CNTNAP2: variants seen among roughly 807,000 people sequenced by gnomAD.
CNTNAP2 encodes contactin-associated protein-like 2.
Under a neutral mutation model 155.2 loss-of-function variants are expected in CNTNAP2, and 98 were observed. The observed-to-expected ratio is 0.63, with a 90% CI of 0.54 to 0.75. CNTNAP2 has a LOEUF of 0.75. Ranked by LOEUF, CNTNAP2 falls within the 30% of genes least tolerant of loss-of-function variation. CNTNAP2 has a pLI of 0.00. For synonymous variants in CNTNAP2, 651 were observed against 631.2 expected (o/e 1.03, Z -0.47); for missense variants, 1,727 against 1,688.1 (o/e 1.02, Z -0.40).
intron 15 of CNTNAP2, among the ~76,000 whole-genome samples, chr7:148,066,720 G>A (rs182103681): frequency 1.9e-3 from 287 of 152,074 alleles, no homozygotes; most frequent in African/African-American, 6.7e-3. Context: ...GGATGGTCTC[G>A]ATCTCCTGAC....
chr7:146,689,173 A>G (rs10227975), intron 1 of CNTNAP2, among the ~76,000 whole-genome samples: 7,365 of 152,154 alleles, frequency 0.048, 234 homozygotes, highest in African/African-American at 0.098. Flanking sequence ...ACATTTCACA[A>G]GGTTACTCGG....
At chr7:148,135,577 G>A (rs968246005) in intron 16 of CNTNAP2, among the ~76,000 whole-genome samples, 21 of 151,986 alleles carry the variant, frequency 1.4e-4, no homozygotes, top group Admixed American at 3.3e-4. Context: ...GGCCGGGTGC[G>A]GTGGCTCATG....
intron 20 of CNTNAP2, among the ~76,000 whole-genome samples, chr7:148,257,135 C>A (rs2116825479): frequency 6.6e-6 from 1 of 152,188 alleles, no homozygotes; most frequent in Middle Eastern, 3.4e-3. Flanking sequence ...GGGGCAAGGT[C>A]TAGGCGAGGG....
rs1019128114 is a variant in CNTNAP2 at position 147,402,254 on chromosome 7, T to C, written c.1670+6474T>C. Among the ~76,000 whole-genome samples the C allele has an allele frequency of 2.0e-5, 3 of 152,172 alleles. 1 individual carries two copies. The highest frequency in any genetic ancestry group is 1.3e-4 in the Admixed American group (2 of 15,278). On this transcript the variant is annotated intron_variant, in intron 10 of 23. Transcript: ENST00000361727. ...CATGGCTTGGGTCAGAGTCAGCTTA[T>C]GCAATACGTTATCACCACAGGGGTG...
chr7:146,712,413 G>C (rs554797520), intron 1 of CNTNAP2, among the ~76,000 whole-genome samples: 1 of 136,018 alleles, frequency 7.4e-6, no homozygotes. Flanking sequence ...TAAAAAACAG[G>C]AAATTGCTTG....
intron 21 of CNTNAP2, among the ~76,000 whole-genome samples, chr7:148,296,526 A>G: frequency 7.6e-6 from 1 of 131,682 alleles, no homozygotes; most frequent in South Asian, 2.8e-4. Context: ...AGCCTGGGAA[A>G]CAGAGCAAGA....
intron 1 of CNTNAP2, among the ~76,000 whole-genome samples, chr7:146,133,540 GT>G (rs1196479717): frequency 2.0e-5 from 3 of 152,102 alleles, no homozygotes; most frequent in Admixed American, 6.6e-5. Flanking sequence ...GGTTTTTATG[GT>G]TTTAGGTCTA....
At chr7:147,779,450 A>C (rs1047982115) in intron 13 of CNTNAP2, among the ~76,000 whole-genome samples, 1 of 152,226 alleles carries the variant, frequency 6.6e-6, no homozygotes, top group South Asian at 2.1e-4. Context: ...GTAGAGTAGA[A>C]GAAAAAAAGA....
intron 13 of CNTNAP2, among the ~76,000 whole-genome samples, chr7:147,880,364 G>A (rs1799498073): frequency 6.6e-6 from 1 of 152,196 alleles, no homozygotes; most frequent in Non-Finnish European, 1.5e-5. Context: ...ACATGTAGAT[G>A]AGACAGTCAT....
intron 15 of CNTNAP2, among the ~76,000 whole-genome samples, chr7:148,108,909 A>G (rs909854179): frequency 2.8e-4 from 42 of 152,258 alleles, no homozygotes; most frequent in Non-Finnish European, 3.7e-4. Flanking sequence ...ATTTCACTTC[A>G]TATTCATAAA....
rs978292828 is a variant in CNTNAP2, at chr7:147,964,793, A to C, written c.2256-13069A>C. Among the ~76,000 whole-genome samples, 9 of 152,258 alleles carry C rather than the reference A, an allele frequency of 5.9e-5. 1 individual carries two copies. The highest frequency in any genetic ancestry group is 5.9e-4 in the Admixed American group (9 of 15,292). ...TGAATCATAAATGGTTCACCCTCTA[A>C]ATTACAGAGTAAGTTTGCCAATAGA... On this transcript the variant is annotated intron_variant, in intron 14 of 23. Coordinates refer to ENST00000361727, the MANE Select transcript of CNTNAP2 (RefSeq NM_014141.6).
intron 20 of CNTNAP2, among the ~76,000 whole-genome samples, chr7:148,253,435 T>G (rs916317631): frequency 6.6e-6 from 1 of 152,218 alleles, no homozygotes; most frequent in South Asian, 2.1e-4. Flanking sequence ...TTTAGTAGAT[T>G]GTCTTAGAAT....
intron 1 of CNTNAP2, among the ~76,000 whole-genome samples, chr7:146,147,197 A>C (rs552297957): frequency 1.3e-5 from 2 of 152,120 alleles, no homozygotes. Context: ...GTTGTTAAGC[A>C]CTGGATCGGC....
rs528529066 is a variant in CNTNAP2, at chr7:148,261,872, A to G, written c.3382-5161A>G. On this transcript the variant is annotated intron_variant, in intron 20 of 23. Coordinates refer to ENST00000361727, the MANE Select transcript of CNTNAP2 (RefSeq NM_014141.6). ...AGAGCCTCTGCTATCCCCCTCCTCG[A>G]GCCTGTGCTGGAAATTGCAGTAAGC... 3.5e-3 allele frequency among the ~76,000 whole-genome samples: 529 copies of G among 152,282 alleles called. 11 individuals are homozygous for G. Among genetic ancestry groups the G allele is most frequent in the East Asian group, 7.7e-4 (4 of 5,166 alleles).
At chr7:147,566,912 G>A (rs932204251) in intron 12 of CNTNAP2, among the ~76,000 whole-genome samples, 2 of 152,164 alleles carry the variant, frequency 1.3e-5, no homozygotes, top group Non-Finnish European at 2.9e-5. Flanking sequence ...CATTTGGGGG[G>A]CAAACAGATC....
chr7:148,024,884 C>CA (rs753238368), intron 15 of CNTNAP2, among the ~76,000 whole-genome samples: 1 of 152,184 alleles, frequency 6.6e-6, no homozygotes, highest in Non-Finnish European at 1.5e-5. Context: ...GTCTCACAAG[C>CA]AGTCAGAGGT....
At chr7:147,327,349 C>G (rs1044891369) in intron 9 of CNTNAP2, among the ~76,000 whole-genome samples, 7 of 152,260 alleles carry the variant, frequency 4.6e-5, no homozygotes, top group Admixed American at 6.5e-5. Context: ...AGATTGGAAT[C>G]TAGGTGTGTC....
At chr7:147,966,901 C>G (rs992178832) in intron 14 of CNTNAP2, among the ~76,000 whole-genome samples, 1 of 151,990 alleles carries the variant, frequency 6.6e-6, no homozygotes, top group Non-Finnish European at 1.5e-5. Flanking sequence ...TGGCTGGGTG[C>G]ACATGGCATT....
intron 8 of CNTNAP2, among the ~76,000 whole-genome samples, chr7:147,161,354 T>C (rs1802019714): frequency 6.6e-6 from 1 of 152,148 alleles, no homozygotes; most frequent in Non-Finnish European, 1.5e-5. Flanking sequence ...GTACTGTTGT[T>C]CAGCTGGCCT....
Sources: gnomAD v4.1 joint callset for allele counts (sites outside exome capture counted in the v4.1 genomes callset) on GRCh38, gnomAD v4.1.1 for gene constraint, MANE v1.5 for transcripts, NCBI Gene and HGNC (gene_info 2026-07-23, HGNC 2026-07-21) for gene names.